Variants in ASPRV1 observed in about 807,000 individuals in gnomAD.
The protein encoded by ASPRV1 is retroviral-like aspartic protease 1.
In ASPRV1, 7 loss-of-function variants were observed where a neutral mutation model predicts 11.0. That is an observed-to-expected ratio of 0.64 (90% CI 0.36 to 1.20). The LOEUF is 1.20. ASPRV1 is among the 50% of genes most tolerant of loss of function. The pLI, the probability that ASPRV1 is intolerant of heterozygous loss-of-function variation, is 0.02. For missense variants in ASPRV1, 299 were observed against 320.0 expected (o/e 0.93, Z 0.50); for synonymous variants, 136 against 138.4 (o/e 0.98, Z 0.12).
chr2:69,994,038 A>T, the ASPRV1 span: 3 of 152,212 alleles, frequency 2.0e-5, no homozygotes, highest in East Asian at 5.8e-4. Flanking sequence ...CTTCTTTCCA[A>T]TACCTTCCAG....
chr2:70,052,316 G>A, the ASPRV1 span, among the ~76,000 whole-genome samples: 1 of 152,082 alleles, frequency 6.6e-6, no homozygotes, highest in Non-Finnish European at 1.5e-5. Context: ...CTATAATTCA[G>A]CCCTTTATTC....
the ASPRV1 span, among the ~76,000 whole-genome samples, chr2:70,038,691 A>C: frequency 1.3e-5 from 2 of 152,214 alleles, no homozygotes; most frequent in South Asian, 4.1e-4. Flanking sequence ...TGAGAGAGTT[A>C]AATTGCTTGC....
chr2:69,969,007 A>G, the ASPRV1 span, among the ~76,000 whole-genome samples: 1 of 152,144 alleles, frequency 6.6e-6, no homozygotes, highest in East Asian at 1.9e-4. Flanking sequence ...AGACTTTCAC[A>G]TCTTAAAAAA....
chr2:69,937,220 C>A, the ASPRV1 span: 1 of 1,611,974 alleles, frequency 6.2e-7, no homozygotes, highest in Admixed American at 1.7e-5. Context: ...CAACAACTAC[C>A]CCTTTGACTT....
chr2:70,032,851 T>C, the ASPRV1 span, among the ~76,000 whole-genome samples: 1 of 152,020 alleles, frequency 6.6e-6, no homozygotes. Context: ...GCAGGAAGAG[T>C]ATAACAAAGT....
chr2:69,949,702 TC>T, the ASPRV1 span, among the ~76,000 whole-genome samples: 2 of 152,246 alleles, frequency 1.3e-5, no homozygotes, highest in African/African-American at 4.8e-5. Context: ...TGCTTACATT[TC>T]GGCATATTTA....
the ASPRV1 span, among the ~76,000 whole-genome samples, chr2:70,033,736 T>C: frequency 6.6e-6 from 1 of 152,258 alleles, no homozygotes; most frequent in Non-Finnish European, 1.5e-5. Flanking sequence ...ATTTTTTGTT[T>C]TAAATAAATT....
chr2:70,023,294 G>C, the ASPRV1 span, among the ~76,000 whole-genome samples: 2 of 152,180 alleles, frequency 1.3e-5, no homozygotes, highest in African/African-American at 2.4e-5. Flanking sequence ...AGCCAATCAG[G>C]CAAAGCAGGT....
the ASPRV1 span, among the ~76,000 whole-genome samples, chr2:69,953,090 C>A: frequency 6.6e-6 from 1 of 152,186 alleles, no homozygotes; most frequent in African/African-American, 2.4e-5. Flanking sequence ...CCTGTTTCTC[C>A]CAGCTCAGGC....
At chr2:70,026,294 T>C in the ASPRV1 span, among the ~76,000 whole-genome samples, 3 of 149,798 alleles carry the variant, frequency 2.0e-5, no homozygotes, top group Non-Finnish European at 4.4e-5. Flanking sequence ...ATAATATATA[T>C]ACATATGGAA....
At chr2:69,942,895 CTG>C in the ASPRV1 span, 2 of 152,302 alleles carry the variant, frequency 1.3e-5, no homozygotes, top group East Asian at 3.9e-4. Context: ...TATATGTAAA[CTG>C]TATTGTTCAA....
At chr2:70,047,291 C>A in the ASPRV1 span, among the ~76,000 whole-genome samples, 1 of 152,150 alleles carries the variant, frequency 6.6e-6, no homozygotes, top group African/African-American at 2.4e-5. Flanking sequence ...TAAATGCCAA[C>A]AGAAAAGCCC....
At chr2:70,032,216 G>C in the ASPRV1 span, 1 of 152,212 alleles carries the variant, frequency 6.6e-6, no homozygotes, top group Admixed American at 6.5e-5. Context: ...TGGATGTTAA[G>C]ACTACGAGAT....
chr2:69,948,938 G>A, the ASPRV1 span, among the ~76,000 whole-genome samples: 6 of 151,822 alleles, frequency 4.0e-5, no homozygotes, highest in East Asian at 5.9e-4. Flanking sequence ...CACTTGGGGA[G>A]CCTGCCTGGC....
chr2:69,946,063 C>A, the ASPRV1 span, among the ~76,000 whole-genome samples: 1 of 152,128 alleles, frequency 6.6e-6, no homozygotes, highest in Non-Finnish European at 1.5e-5. Flanking sequence ...CTGGGTGACA[C>A]CTGGAGATAG....
At chr2:70,057,779 A>G in the ASPRV1 span, among the ~76,000 whole-genome samples, 148 of 151,742 alleles carry the variant, frequency 9.8e-4, 3 homozygotes, top group East Asian at 0.026. Flanking sequence ...GCGCCCAGCC[A>G]GTAAAACGAT....
chr2:70,057,954 C>T, the ASPRV1 span, among the ~76,000 whole-genome samples: 2 of 151,780 alleles, frequency 1.3e-5, no homozygotes, highest in African/African-American at 4.8e-5. Flanking sequence ...CCACCATGCC[C>T]AGCTAATTTT....
At chr2:70,075,990 T>A in the ASPRV1 span, among the ~76,000 whole-genome samples, 2 of 152,138 alleles carry the variant, frequency 1.3e-5, no homozygotes, top group Admixed American at 6.5e-5. Context: ...CACTGAGACA[T>A]AGGTGTTTGT....
chr2:69,984,370 T>C, the ASPRV1 span, among the ~76,000 whole-genome samples: 2 of 152,148 alleles, frequency 1.3e-5, no homozygotes, highest in East Asian at 3.9e-4. Flanking sequence ...CTTTTTGGCT[T>C]AAGTTCATTA....
Sources: allele counts gnomAD v4.1 joint callset (sites outside exome capture counted in the v4.1 genomes callset), GRCh38; gene constraint gnomAD v4.1.1; transcripts MANE v1.5; gene names NCBI Gene and HGNC (gene_info 2026-07-23, HGNC 2026-07-21).